Variants in LIMCH1 observed in about 807,000 individuals in gnomAD.
The protein encoded by LIMCH1 is LIM and calponin homology domains-containing protein 1.
LIMCH1 carries 113 observed loss-of-function variants against 176.5 expected under a neutral mutation model. The ratio of observed to expected loss-of-function variants is 0.64; its 90% confidence interval spans 0.55 to 0.75. LIMCH1 has a LOEUF of 0.75. Ranked by LOEUF, LIMCH1 falls within the 30% of genes least tolerant of loss-of-function variation. The probability of loss-of-function intolerance (pLI) is 0.00; values close to 1 mark genes in which losing one functional copy is unlikely to be tolerated. For missense variants in LIMCH1, 1,674 were observed against 1,814.9 expected, an observed-to-expected ratio of 0.92 and a Z score of 1.41; for synonymous variants, 619 against 645.9, an observed-to-expected ratio of 0.96 and a Z score of 0.63.
chr4:41,442,623 ACT>A (rs1475253194), intron 1 of LIMCH1, among the ~76,000 whole-genome samples: 1 of 152,170 alleles, frequency 6.6e-6, no homozygotes, highest in East Asian at 1.9e-4. Flanking sequence ...TCAAACAGGT[ACT>A]CTCTCTCCAT....
At chr4:41,437,714 C>G (rs748975077) in intron 1 of LIMCH1, among the ~76,000 whole-genome samples, 4 of 152,208 alleles carry the variant, frequency 2.6e-5, no homozygotes, top group Non-Finnish European at 5.9e-5. Flanking sequence ...TTGAAGTTAT[C>G]TGTGTTTACC....
At chr4:41,556,625 C>T (rs1222287663) in intron 1 of LIMCH1, among the ~76,000 whole-genome samples, 2 of 152,024 alleles carry the variant, frequency 1.3e-5, no homozygotes, top group Non-Finnish European at 2.9e-5. Context: ...GTGGAGGAAA[C>T]TGAGACTTAG....
chr4:41,604,743 G>A (rs552806621), intron 3 of LIMCH1, among the ~76,000 whole-genome samples: 19 of 152,152 alleles, frequency 1.2e-4, no homozygotes, highest in Admixed American at 2.6e-4. Context: ...ATGTCCTGAC[G>A]TTTGAATCTC....
intron 2 of LIMCH1, among the ~76,000 whole-genome samples, chr4:41,508,866 G>A (rs953004182): frequency 5.3e-5 from 8 of 152,196 alleles, no homozygotes; most frequent in Admixed American, 2.6e-4. Context: ...CAATTAATAT[G>A]TATCTCTGGG....
chr4:41,684,548 A>C, intron 27 of LIMCH1, 30 bp downstream of exon 27: 1 of 1,609,704 alleles, frequency 6.2e-7, no homozygotes, highest in Non-Finnish European at 8.5e-7. Context: ...GTTTCATTCA[A>C]TGTTTAAATT....
intron 1 of LIMCH1, among the ~76,000 whole-genome samples, chr4:41,409,593 G>C (rs1305493924): frequency 6.6e-6 from 1 of 152,154 alleles, no homozygotes; most frequent in Non-Finnish European, 1.5e-5. Context: ...ATCTATGTTA[G>C]GGAAGAGGGA....
chr4:41,587,320 C>T lies in LIMCH1; in HGVS notation c.-240-11600C>T, dbSNP rs532366055. 6.6e-5 allele frequency among the ~76,000 whole-genome samples: 10 copies of T among 152,242 alleles called. No individual in the cohort carries two copies. In the South Asian group the frequency reaches 1.0e-3, roughly 16 times the overall value. On this transcript the variant is annotated intron_variant, in intron 1 of 31. Transcript: ENST00000503057. Reference sequence around the variant, plus strand: ...CTACTCCTCCCTGGCCAAGGATTCACGGTCTTTCTATCCTCTTTCATTAGC... The same window carrying T: ...CTACTCCTCCCTGGCCAAGGATTCATGGTCTTTCTATCCTCTTTCATTAGC...
intron 1 of LIMCH1, among the ~76,000 whole-genome samples, chr4:41,387,358 G>T (rs1257679961): frequency 1.3e-5 from 2 of 152,120 alleles, no homozygotes; most frequent in Admixed American, 1.3e-4. Context: ...CTATTTTAAA[G>T]TACATTATAA....
intron 1 of LIMCH1, among the ~76,000 whole-genome samples, chr4:41,395,186 T>G (rs2057663116): frequency 6.6e-6 from 1 of 152,126 alleles, no homozygotes; most frequent in Non-Finnish European, 1.5e-5. Flanking sequence ...TATTTTATAT[T>G]TTTACAATAG....
chr4:41,429,264 T>G (rs1273216585), intron 1 of LIMCH1, among the ~76,000 whole-genome samples: 1 of 152,246 alleles, frequency 6.6e-6, no homozygotes, highest in Non-Finnish European at 1.5e-5. Context: ...AGTCTTATTC[T>G]ACAAAGCAGC....
chr4:41,383,827 G>C (rs1358713778), intron 1 of LIMCH1, among the ~76,000 whole-genome samples: 1 of 152,166 alleles, frequency 6.6e-6, no homozygotes, highest in African/African-American at 2.4e-5. Context: ...GGCTCTCTCT[G>C]TGAACACTGT....
At chr4:41,604,548 C>T (rs2090423964) in intron 3 of LIMCH1, among the ~76,000 whole-genome samples, 1 of 152,108 alleles carries the variant, frequency 6.6e-6, no homozygotes, top group African/African-American at 2.4e-5. Context: ...TTGGCATTTT[C>T]ATTCTTATCT....
intron 1 of LIMCH1, among the ~76,000 whole-genome samples, chr4:41,390,269 A>AGAGAGAGAGT (rs760332127): frequency 6.7e-6 from 1 of 150,304 alleles, no homozygotes; most frequent in South Asian, 2.1e-4. Context: ...AGAGAGAGAG[A>AGAGAGAGAGT]GAGAGCGAGA....
intron 8 of LIMCH1, 126 bp from the exon 9 acceptor site, chr4:41,629,364 GAA>G (rs1280150795): frequency 1.8e-6 from 2 of 1,117,624 alleles, no homozygotes; most frequent in African/African-American, 1.6e-5. Flanking sequence ...TTGAGAAAGA[GAA>G]AAGTGTTTCC....
chr4:41,516,712 G>A (rs1476729154), intron 2 of LIMCH1, among the ~76,000 whole-genome samples: 1 of 152,170 alleles, frequency 6.6e-6, no homozygotes, highest in Non-Finnish European at 1.5e-5. Context: ...TAGTGTTAGT[G>A]TTTTAGTATT....
chr4:41,446,785 A>T (rs187354028), intron 1 of LIMCH1, among the ~76,000 whole-genome samples: 1 of 152,382 alleles, frequency 6.6e-6, no homozygotes, highest in East Asian at 1.9e-4. Context: ...AAGTTTCTTT[A>T]AAAGTGGCAA....
intron 1 of LIMCH1, among the ~76,000 whole-genome samples, chr4:41,476,005 T>C (rs1266217396): frequency 1.3e-5 from 2 of 152,012 alleles, no homozygotes; most frequent in Admixed American, 6.5e-5. Flanking sequence ...AAGGTCTTGC[T>C]CTGTCGCCCA....
At chr4:41,388,336 C>T (rs964319637) in intron 1 of LIMCH1, among the ~76,000 whole-genome samples, 1 of 152,186 alleles carries the variant, frequency 6.6e-6, no homozygotes, top group Admixed American at 6.5e-5. Flanking sequence ...AAGGAATGAA[C>T]TACCAAACCT....
intron 1 of LIMCH1, among the ~76,000 whole-genome samples, chr4:41,411,028 G>A (rs575629173): frequency 3.3e-5 from 5 of 152,240 alleles, no homozygotes; most frequent in East Asian, 1.9e-4. Context: ...CCCTTATTAC[G>A]TTAGACTCCA....
Sources: gnomAD v4.1 joint callset for allele counts (sites outside exome capture counted in the v4.1 genomes callset) on GRCh38, gnomAD v4.1.1 for gene constraint, MANE v1.5 for transcripts, NCBI Gene and HGNC (gene_info 2026-07-23, HGNC 2026-07-21) for gene names.